The following CNBP variants were observed in gnomAD, a reference collection of about 807,000 sequenced individuals.
CNBP encodes cellular nucleic acid-binding protein.
A neutral mutation model predicts 21.2 loss-of-function variants in CNBP; 6 were observed. That is an observed-to-expected ratio of 0.28 (90% CI 0.16 to 0.56). The LOEUF is 0.56. Among genes scored for constraint, CNBP ranks in the 20% least tolerant of loss-of-function variants. The probability of loss-of-function intolerance (pLI) is 0.93; values close to 1 mark genes in which losing one functional copy is unlikely to be tolerated. For synonymous variants in CNBP, 61 were observed against 74.9 expected, an observed-to-expected ratio of 0.81 and a Z score of 0.96; for missense variants, 112 against 233.1, an observed-to-expected ratio of 0.48 and a Z score of 3.38.
Position 129,171,788 on chromosome 3 carries a change from G to A in CNBP, c.-14-17C>T, listed in dbSNP as rs1937573622. The stretch of plus-strand genomic sequence containing the variant: ...CAGTCAGATCTTTGAAATATTAAAA[G>A]TAACAGCATTAAACCACTGAAAGTT... On this transcript the variant is annotated splice_polypyrimidine_tract_variant and intron_variant, in intron 1 of 4. Coordinates refer to ENST00000422453, the MANE Select transcript of CNBP (RefSeq NM_003418.5). The A allele has an allele frequency of 6.2e-7, 1 of 1,605,378 alleles. No individual in the cohort carries two copies. The highest frequency in any genetic ancestry group is 8.5e-7 in the Non-Finnish European group (1 of 1,175,882).
intron 1 of CNBP, among the ~76,000 whole-genome samples, chr3:129,175,654 T>C (rs1937854692): frequency 1.3e-5 from 2 of 152,262 alleles, no homozygotes; most frequent in South Asian, 4.1e-4. Flanking sequence ...GGTCTCGATC[T>C]CCTGACCTAG....
At chr3:129,170,664 T>A (rs1937551452) in intron 4 of CNBP, 94 bp from the exon 5 acceptor site, 1 of 933,940 alleles carries the variant, frequency 1.1e-6, no homozygotes, top group East Asian at 2.4e-5. Flanking sequence ...GCCTGATCTT[T>A]GTTTTCATGC....
chr3:129,173,399 T>C (rs1280425866), intron 1 of CNBP, among the ~76,000 whole-genome samples: 2 of 152,120 alleles, frequency 1.3e-5, no homozygotes, highest in East Asian at 3.8e-4. Flanking sequence ...ATAATAAAAA[T>C]AGTAGGAAAA....
chr3:129,176,491 G>A (rs914358210), intron 1 of CNBP, among the ~76,000 whole-genome samples: 1 of 152,104 alleles, frequency 6.6e-6, no homozygotes, highest in South Asian at 2.1e-4. Flanking sequence ...CCTTTTAGTA[G>A]CCATTATGTA....
chr3:129,175,310 C>A (rs2107640422), intron 1 of CNBP, among the ~76,000 whole-genome samples: 1 of 151,422 alleles, frequency 6.6e-6, no homozygotes, highest in East Asian at 1.9e-4. Flanking sequence ...GGTGACAGAG[C>A]AAGACTCCGT....
At chr3:129,171,001 C>A in intron 4 of CNBP, 78 bp downstream of exon 4, 1 of 1,424,192 alleles carries the variant, frequency 7.0e-7, no homozygotes, top group Non-Finnish European at 9.6e-7. Context: ...TTTACTAAGG[C>A]CCTTCCATTT....
intron 1 of CNBP, 130 bp from the exon 2 acceptor site, chr3:129,171,901 T>C (rs1371086726): frequency 7.8e-6 from 8 of 1,026,082 alleles, no homozygotes; most frequent in Non-Finnish European, 1.1e-5. Flanking sequence ...AAAAAATAGC[T>C]GGGCATGGTG....
Position 129,168,243 on chromosome 3 carries a change from A to G in CNBP, c.*2210T>C, listed in dbSNP as rs1055792562. ...TCCTTAAGTAAATTAAGTTTAACTC[A>G]TCTATTAAAAAGTGAGTTAAAACAG... On this transcript the variant is annotated 3_prime_UTR_variant, in exon 5 of 5. Transcript: ENST00000422453. Among the ~76,000 whole-genome samples the G allele has an allele frequency of 1.3e-5, 2 of 152,180 alleles. No homozygotes were observed. Among genetic ancestry groups the G allele is most frequent in the Admixed American group, 1.3e-4 (2 of 15,266 alleles).
intron 1 of CNBP, among the ~76,000 whole-genome samples, chr3:129,172,204 GTAT>G (rs1186512799): frequency 6.6e-6 from 1 of 152,060 alleles, no homozygotes; most frequent in African/African-American, 2.4e-5. Context: ...ACATGATTGG[GTAT>G]TATAGACTTA....
At chr3:129,183,696 G>C (rs79820871) in intron 1 of CNBP, 80 bp downstream of exon 1, 1 of 152,744 alleles carries the variant, frequency 6.5e-6, no homozygotes, top group Admixed American at 6.5e-5. Context: ...CCACCTCGCC[G>C]CTCCCTACCC....
chr3:129,182,767 T>A (rs1938389984), intron 1 of CNBP, among the ~76,000 whole-genome samples: 2 of 152,130 alleles, frequency 1.3e-5, no homozygotes, highest in South Asian at 4.1e-4. Context: ...GTGAGCCCCA[T>A]CAGCCCCTTT....
intron 1 of CNBP, among the ~76,000 whole-genome samples, chr3:129,183,263 A>G (rs1251075996): frequency 6.6e-6 from 1 of 152,020 alleles, no homozygotes; most frequent in Non-Finnish European, 1.5e-5. Context: ...ACCCTTTTCT[A>G]AGGCCCCCAA....
chr3:129,180,984 A>G (rs922645758), intron 1 of CNBP, among the ~76,000 whole-genome samples: 10 of 152,058 alleles, frequency 6.6e-5, no homozygotes, highest in Non-Finnish European at 1.3e-4. Context: ...TCAGGCCTGT[A>G]ATCCCAGCAC....
intron 1 of CNBP, among the ~76,000 whole-genome samples, chr3:129,176,650 T>C (rs530654811): frequency 3.2e-4 from 49 of 152,296 alleles, no homozygotes; most frequent in African/African-American, 1.2e-3. Context: ...TTTAAAGTAA[T>C]GATGTATTCT....
At chr3:129,175,484 C>T (rs1214632030) in intron 1 of CNBP, among the ~76,000 whole-genome samples, 2 of 141,796 alleles carry the variant, frequency 1.4e-5, no homozygotes, top group South Asian at 2.2e-4. Context: ...GGCTGGAGTG[C>T]GGTGGCGCCA....
chr3:129,181,034 G>T (rs1169863201), intron 1 of CNBP, among the ~76,000 whole-genome samples: 2 of 151,722 alleles, frequency 1.3e-5, no homozygotes, highest in South Asian at 4.2e-4. Flanking sequence ...GAGGTCAGGA[G>T]ATCAAGACCA....
At chr3:129,182,065 A>G (rs1420160313) in intron 1 of CNBP, among the ~76,000 whole-genome samples, 7 of 152,138 alleles carry the variant, frequency 4.6e-5, no homozygotes, top group African/African-American at 7.2e-5. Context: ...GATAAGTACT[A>G]TATCTCTTAT....
Position 129,168,170 on chromosome 3 carries a change from G to A in CNBP, c.*2283C>T, listed in dbSNP as rs1347458211. Among the ~76,000 whole-genome samples, 1 of 152,174 alleles carries A rather than the reference G, an allele frequency of 6.6e-6. No individual in the cohort carries two copies. Among genetic ancestry groups the A allele is most frequent in the Non-Finnish European group, 1.5e-5 (1 of 68,036 alleles). ...TTTAATTTCGAAGTGGGGGGAAACA[G>A]GGCATGGGGAGTGAATAATGGTTGA... is the stretch of plus-strand genomic sequence containing the variant. On this transcript the variant is annotated 3_prime_UTR_variant, in exon 5 of 5. Coordinates refer to ENST00000422453, the MANE Select transcript of CNBP (RefSeq NM_003418.5).
chr3:129,178,672 GAATGTATGTAAGTATGCACATTATT>G (rs1938083950), intron 1 of CNBP, among the ~76,000 whole-genome samples: 1 of 152,076 alleles, frequency 6.6e-6, no homozygotes, highest in Non-Finnish European at 1.5e-5. Context: ...TTTGCCCTCT[GAATGTATGTAAGTATGCACATTATT>G]ATGCTCCGTT....
Sources: gnomAD v4.1 joint callset for allele counts (sites outside exome capture counted in the v4.1 genomes callset) on GRCh38, gnomAD v4.1.1 for gene constraint, MANE v1.5 for transcripts, NCBI Gene and HGNC (gene_info 2026-07-23, HGNC 2026-07-21) for gene names.